The following PTPRG variants were observed in gnomAD, a reference collection of about 807,000 sequenced individuals.
PTPRG encodes protein tyrosine phosphatase receptor type G.
Under a neutral mutation model 165.3 loss-of-function variants are expected in PTPRG, and 102 were observed. The ratio of observed to expected loss-of-function variants is 0.62; its 90% CI spans 0.53 to 0.73. PTPRG has a LOEUF of 0.73. Among genes scored for constraint, PTPRG ranks in the 30% least tolerant of loss-of-function variants. The pLI is 0.00. For missense variants in PTPRG, 1,866 were observed against 1,861.4 expected, an observed-to-expected ratio of 1.00 and a Z score of -0.05; for synonymous variants, 675 against 669.5, an observed-to-expected ratio of 1.01 and a Z score of -0.13.
chr3:62,209,519 G>T (rs1275391726), intron 12 of PTPRG, among the ~76,000 whole-genome samples: 1 of 152,212 alleles, frequency 6.6e-6, no homozygotes, highest in Non-Finnish European at 1.5e-5. Context: ...TGGGAGCACT[G>T]CAGCATGCTT....
chr3:62,243,773 C>G (rs187662369), intron 14 of PTPRG, 34 bp from the exon 15 acceptor site: 2 of 1,307,890 alleles, frequency 1.5e-6, no homozygotes, highest in Non-Finnish European at 2.2e-6. Flanking sequence ...AAAGTATATT[C>G]TATTATTGAC....
At chr3:61,987,448 G>A (rs1454715506) in intron 2 of PTPRG, among the ~76,000 whole-genome samples, 1 of 152,142 alleles carries the variant, frequency 6.6e-6, no homozygotes, top group African/African-American at 2.4e-5. Flanking sequence ...TTCTGACATC[G>A]CAGAGTATTT....
chr3:61,826,177 A>G (rs1300594142), intron 2 of PTPRG, among the ~76,000 whole-genome samples: 1 of 152,174 alleles, frequency 6.6e-6, no homozygotes, highest in Non-Finnish European at 1.5e-5. Flanking sequence ...AATAGTAGGG[A>G]GAAGCCTCCT....
Position 62,210,877 on chromosome 3 carries a change from T to C in PTPRG, c.2155+6927T>C, listed in dbSNP as rs1032974414. Among the ~76,000 whole-genome samples, 4 of 152,236 alleles carry C rather than the reference T, an allele frequency of 2.6e-5. No individual in the cohort carries two copies. The highest frequency in any genetic ancestry group is 4.4e-5 in the Non-Finnish European group (3 of 68,050). ...AAATATGTGTTAACTATTTATGTTA[T>C]TGGTGAGGCTTCCGGTCATCAGTAG... On this transcript the variant is annotated intron_variant, in intron 12 of 29. Transcript: ENST00000474889. The surrounding 1 kb of genome is among the most constrained non-coding windows in gnomAD (Gnocchi z 4.1).
chr3:62,074,352 CT>C (rs200189646), intron 4 of PTPRG, among the ~76,000 whole-genome samples: 15,844 of 108,204 alleles, frequency 0.15, 382 homozygotes, highest in Non-Finnish European at 0.2. Context: ...TCTTTTCTTT[CT>C]TTTTTTTTTT....
At chr3:61,601,950 C>A (rs895564449) in intron 1 of PTPRG, among the ~76,000 whole-genome samples, 2 of 152,200 alleles carry the variant, frequency 1.3e-5, no homozygotes, top group African/African-American at 4.8e-5. Flanking sequence ...TTCATTTGAA[C>A]CTTACAACAA....
chr3:61,691,437 G>A, intron 1 of PTPRG, among the ~76,000 whole-genome samples: 1 of 152,144 alleles, frequency 6.6e-6, no homozygotes, highest in East Asian at 1.9e-4. Flanking sequence ...GCAGAACAAT[G>A]TGCAAAATGG....
At chr3:62,278,807 G>A (rs997309167) in intron 26 of PTPRG, among the ~76,000 whole-genome samples, 12 of 152,004 alleles carry the variant, frequency 7.9e-5, no homozygotes, top group Non-Finnish European at 1.3e-4. Context: ...TGGCAATAGG[G>A]TCTATTCTGT....
chr3:61,585,624 A>G (rs1056271751), intron 1 of PTPRG, among the ~76,000 whole-genome samples: 2 of 150,728 alleles, frequency 1.3e-5, no homozygotes, highest in African/African-American at 2.4e-5. Flanking sequence ...CCGTGTGCCT[A>G]TAGTCCCAGC....
chr3:62,224,987 A>G lies in PTPRG; in HGVS notation c.2288+6004A>G, dbSNP rs1700727947. Among the ~76,000 whole-genome samples, 1 of 152,212 alleles carries G rather than the reference A, an allele frequency of 6.6e-6. No individual in the cohort carries two copies. Among genetic ancestry groups the G allele is most frequent in the Non-Finnish European group, 1.5e-5 (1 of 68,036 alleles). ...GGGGCAGGGTTGTGAGGCAGATAAT[A>G]AAAATAAAATCAACTAACAGTTACA... On this transcript the variant is annotated intron_variant, in intron 13 of 29. Transcript: ENST00000474889. This position sits in a 1 kb window ranked among gnomAD's most constrained non-coding sequence, Gnocchi z 4.9.
At chr3:61,767,749 G>A (rs1016592814) in intron 2 of PTPRG, among the ~76,000 whole-genome samples, 15 of 151,978 alleles carry the variant, frequency 9.9e-5, no homozygotes, top group African/African-American at 2.7e-4. Context: ...TGGGAGGATC[G>A]CTTGAGCCCA....
chr3:61,759,408 A>G (rs2033754578), intron 2 of PTPRG, among the ~76,000 whole-genome samples: 1 of 152,142 alleles, frequency 6.6e-6, no homozygotes, highest in African/African-American at 2.4e-5. Flanking sequence ...TAATCTCAAC[A>G]CTTTGGAAGG....
intron 20 of PTPRG, among the ~76,000 whole-genome samples, chr3:62,270,980 G>A (rs1052757058): frequency 5.3e-5 from 8 of 152,110 alleles, no homozygotes; most frequent in African/African-American, 1.9e-4. Context: ...TAAAGGTCCA[G>A]CCTGGACAGT....
intron 2 of PTPRG, among the ~76,000 whole-genome samples, chr3:61,795,237 C>T (rs2035007655): frequency 6.6e-6 from 1 of 152,128 alleles, no homozygotes; most frequent in African/African-American, 2.4e-5. Flanking sequence ...TGCTCATGTG[C>T]TTGACCACTG....
chr3:61,586,129 A>T (rs976183515), intron 1 of PTPRG, among the ~76,000 whole-genome samples: 66 of 152,016 alleles, frequency 4.3e-4, no homozygotes, highest in African/African-American at 1.5e-3. Context: ...ATGGATTTTG[A>T]TTTAATTGCT....
chr3:61,605,161 G>A (rs1476291505), intron 1 of PTPRG, among the ~76,000 whole-genome samples: 1 of 152,152 alleles, frequency 6.6e-6, no homozygotes, highest in African/African-American at 2.4e-5. Flanking sequence ...TTCTCATTCA[G>A]TTAGTTAAGT....
intron 2 of PTPRG, among the ~76,000 whole-genome samples, chr3:61,985,394 T>C (rs1360544517): frequency 6.6e-6 from 1 of 152,228 alleles, no homozygotes; most frequent in Non-Finnish European, 1.5e-5. Flanking sequence ...CCTAGTCAGT[T>C]TCTTGACAGT....
intron 2 of PTPRG, among the ~76,000 whole-genome samples, chr3:61,762,579 C>G (rs597389): frequency 6.6e-6 from 1 of 151,916 alleles, no homozygotes; most frequent in Non-Finnish European, 1.5e-5. Context: ...CCCCTGTACT[C>G]CAGCCTGGGC....
intron 1 of PTPRG, among the ~76,000 whole-genome samples, chr3:61,735,275 A>G (rs1381602622): frequency 6.6e-6 from 1 of 152,132 alleles, no homozygotes; most frequent in Admixed American, 6.5e-5. Flanking sequence ...CTTTTAAATT[A>G]TTTTCCTTGA....
Sources: gnomAD v4.1 joint callset for allele counts (sites outside exome capture counted in the v4.1 genomes callset) on GRCh38, gnomAD v4.1.1 for gene constraint, Gnocchi (gnomAD v3.1) non-coding constraint, MANE v1.5 for transcripts, NCBI Gene and HGNC (gene_info 2026-07-23, HGNC 2026-07-21) for gene names.